The following ASB1 variants were observed in gnomAD, a reference collection of about 807,000 sequenced individuals.
ASB1 encodes ankyrin repeat and SOCS box containing 1, also known as ankyrin repeat and SOCS box protein 1.
In ASB1, 18 loss-of-function variants were observed where a neutral mutation model predicts 27.7. The observed-to-expected ratio is 0.65, with a 90% CI of 0.45 to 0.96. The LOEUF (loss-of-function observed/expected upper bound fraction) is 0.96. Ranked by LOEUF, ASB1 falls within the 50% of genes least tolerant of loss-of-function variation. The probability of loss-of-function intolerance (pLI) is 0.00; values close to 1 mark genes in which losing one functional copy is unlikely to be tolerated. For synonymous variants in ASB1, 189 were observed against 187.6 expected (o/e 1.01, Z -0.06); for missense variants, 397 against 451.7 (o/e 0.88, Z 1.10).
Position 238,446,840 on chromosome 2 carries a change from C to A in ASB1, c.*329C>A, listed in dbSNP as rs1019130529. 3.4e-5 allele frequency: 9 copies of A among 262,258 alleles called. No homozygotes were observed. The Admixed American group carries it at 4.0e-4, about 12-fold the overall frequency. 16.2% of individuals were successfully genotyped at this position (262,258 alleles called of 1,614,324 possible). On this transcript the variant is annotated 3_prime_UTR_variant, in exon 5 of 5. Transcript: ENST00000264607. ...ACTAATTTCCCTGTAGGGAAGACTC[C>A]CAGCACTTCTGGAACTGTGCTTCTC... is the stretch of plus-strand genomic sequence containing the variant.
chr2:238,437,635 C>A (rs1428683341), intron 3 of ASB1, among the ~76,000 whole-genome samples: 1 of 151,310 alleles, frequency 6.6e-6, no homozygotes, highest in Admixed American at 6.6e-5. Flanking sequence ...AGCAAAGATG[C>A]TTTTTTCCCT....
chr2:238,442,439 A>G (rs887499563), intron 3 of ASB1, among the ~76,000 whole-genome samples: 5 of 152,100 alleles, frequency 3.3e-5, no homozygotes, highest in Non-Finnish European at 5.9e-5. Context: ...CTGTAGGGCT[A>G]TTGATCTTTT....
At chr2:238,439,110 C>G (rs1393676619) in intron 3 of ASB1, among the ~76,000 whole-genome samples, 1 of 152,228 alleles carries the variant, frequency 6.6e-6, no homozygotes, top group African/African-American at 2.4e-5. Context: ...ACCATCACTG[C>G]TTGAGATCTA....
chr2:238,438,044 A>G (rs1209917228), intron 3 of ASB1, among the ~76,000 whole-genome samples: 1 of 152,078 alleles, frequency 6.6e-6, no homozygotes, highest in Admixed American at 6.5e-5. Flanking sequence ...TGGAGAATGT[A>G]AGCTATTAAT....
rs1236242234 is a variant in ASB1 at position 238,450,304 on chromosome 2, A to G, written c.*3793A>G. ...CATGGTAAATAATTGATGAAGTCAC[A>G]TTTGTTCAACTTAAAGGATTGTTCT... On this transcript the variant is annotated 3_prime_UTR_variant, in exon 5 of 5. Coordinates refer to ENST00000264607, the MANE Select transcript of ASB1 (RefSeq NM_001040445.3). 1 of 152,196 alleles carries G rather than the reference A, an allele frequency of 6.6e-6. No homozygotes were observed. The highest frequency in any genetic ancestry group is 1.5e-5 in the Non-Finnish European group (1 of 68,036). 9.4% of individuals were successfully genotyped at this position (152,196 alleles called of 1,614,324 possible).
In ASB1 at chr2:238,448,155, T is replaced by C. The variant is rs968703549; in HGVS notation, c.*1644T>C. 2.0e-5 allele frequency: 3 copies of C among 152,178 alleles called. No individual in the cohort carries two copies. Among genetic ancestry groups the C allele is most frequent in the African/African-American group, 7.3e-5 (3 of 41,364 alleles). 9.4% of individuals were successfully genotyped at this position (152,178 alleles called of 1,614,324 possible). On this transcript the variant is annotated 3_prime_UTR_variant, in exon 5 of 5. Coordinates refer to ENST00000264607, the MANE Select transcript of ASB1 (RefSeq NM_001040445.3). ...TGAAGCCAGGAGGGTCTTCCCAAGA[T>C]AGGAGAGGAACCGCAGGTGGTGAGC...
chr2:238,427,319 T>G (rs757400364), intron 1 of ASB1, 200 bp downstream of exon 1: 38 of 382,052 alleles, frequency 9.9e-5, no homozygotes, highest in Non-Finnish European at 1.6e-4. Context: ...CGCGCTGCCC[T>G]CTCCTCGGCC....
intron 1 of ASB1, among the ~76,000 whole-genome samples, chr2:238,427,941 C>G (rs1701793935): frequency 6.6e-6 from 1 of 152,200 alleles, no homozygotes; most frequent in African/African-American, 2.4e-5. Context: ...TCTTAAACAT[C>G]TTAAAAGATT....
intron 1 of ASB1, among the ~76,000 whole-genome samples, chr2:238,430,251 C>G (rs1048601734): frequency 6.6e-6 from 1 of 152,212 alleles, no homozygotes; most frequent in Non-Finnish European, 1.5e-5. Context: ...TGGAATCAGT[C>G]CTCTCTAACC....
At chr2:238,441,958 T>A (rs1332423634) in intron 3 of ASB1, among the ~76,000 whole-genome samples, 1 of 152,166 alleles carries the variant, frequency 6.6e-6, no homozygotes, top group Admixed American at 6.5e-5. Context: ...TGAATGAGAT[T>A]TCCTGTTTCC....
In ASB1 at chr2:238,435,846, A is replaced by C. The variant is rs1701958962; in HGVS notation, c.327A>C (p.Val109=). ...RKGAEVDLVD[V]KGQTALYVAV... Reference sequence around the variant, plus strand: ...GGGCCGAGGTGGATCTGGTGGACGTAAAAGGACAGACGGCCCTGTATGTGG... The same window carrying C: ...GGGCCGAGGTGGATCTGGTGGACGTCAAAGGACAGACGGCCCTGTATGTGG... Residue 109 remains valine (V), a synonymous_variant, in exon 3 of 5, where the codon GTA becomes GTC. Coordinates refer to ENST00000264607, the MANE Select transcript of ASB1 (RefSeq NM_001040445.3). 6.2e-7 allele frequency: 1 copy of C among 1,614,110 alleles called. No homozygotes were observed. Among genetic ancestry groups the C allele is most frequent in the Non-Finnish European group, 8.5e-7 (1 of 1,180,048 alleles).
chr2:238,431,428 A>G (rs1701869939), intron 1 of ASB1, among the ~76,000 whole-genome samples: 1 of 152,210 alleles, frequency 6.6e-6, no homozygotes, highest in African/African-American at 2.4e-5. Context: ...GTATCTCCAG[A>G]CTACTCAGAT....
chr2:238,446,740 G>C lies in ASB1; in HGVS notation c.*229G>C. 1 of 523,636 alleles carries C rather than the reference G, an allele frequency of 1.9e-6. No homozygotes were observed. The highest frequency in any genetic ancestry group is 2.1e-5 in the South Asian group (1 of 48,038). The allele number at this position is 523,636 out of a possible 1,614,324, so 32.4% of individuals were successfully genotyped here. On this transcript the variant is annotated 3_prime_UTR_variant, in exon 5 of 5. Transcript: ENST00000264607. ...TATTATTGTTTTTCCCAAGTTCTCT[G>C]TTCTGGATTTTCAGTTGCATATTAA...
At position 238,447,889 on chromosome 2, in the gene ASB1, G is replaced by A. The variant is rs1702210021; in HGVS notation, c.*1378G>A. 1 of 152,300 alleles carries A rather than the reference G, an allele frequency of 6.6e-6. No individual in the cohort carries two copies. Among genetic ancestry groups the A allele is most frequent in the Non-Finnish European group, 1.5e-5 (1 of 68,084 alleles). 9.4% of individuals were successfully genotyped at this position (152,300 alleles called of 1,614,324 possible). A position where few individuals can be genotyped will look rare whatever the true frequency, so the allele number is the denominator to read the frequency against. On this transcript the variant is annotated 3_prime_UTR_variant, in exon 5 of 5. Transcript: ENST00000264607. ...GCCATTATTGCGTTCTACAGCCAGA[G>A]GATAGAATTCTATACCCCCAACCCC...
chr2:238,427,605 C>G (rs561904364), intron 1 of ASB1: 2 of 154,178 alleles, frequency 1.3e-5, no homozygotes, highest in East Asian at 3.8e-4. Flanking sequence ...AACGGGGACG[C>G]CGTCTCCAGC....
Position 238,427,093 on chromosome 2 carries a change from A to G in ASB1, c.23A>G (p.Asp8Gly). Reference protein sequence around the residue: MAEGGSPDGRAGPGSAGR... With the variant: MAEGGSPGGRAGPGSAGR... ...TCCATGGCGGAGGGCGGCAGCCCAG[A>G]CGGGCGGGCAGGGCCGGGCTCCGCA... The change falls in exon 1 of 5, where the codon GAC (aspartate) becomes GGC (glycine). Residue 8 changes from aspartate (D) to glycine (G), a missense_variant. By Grantham distance (94) the Asp-to-Gly change is moderately conservative (BLOSUM62 -1). Transcript: ENST00000264607. 7.9e-7 allele frequency: 1 copy of G among 1,262,134 alleles called. No homozygotes were observed. The highest frequency in any genetic ancestry group is 2.9e-5 in the South Asian group (1 of 34,484). 78.2% of individuals were successfully genotyped at this position (1,262,134 alleles called of 1,614,324 possible).
rs1701763215 is a variant in ASB1 at position 238,426,971 on chromosome 2, C to A, written c.-100C>A. ...CGCCGGAAGCCGCGACCCCGACGCG[C>A]CCCCCATTGCCCTCGGCGCCGGAAG... On this transcript the variant is annotated 5_prime_UTR_variant, in exon 1 of 5. Transcript: ENST00000264607. 2 of 962,702 alleles carry A rather than the reference C, an allele frequency of 2.1e-6. No individual in the cohort carries two copies. The highest frequency in any genetic ancestry group is 2.7e-6 in the Non-Finnish European group (2 of 745,788). The allele number at this position is 962,702 out of a possible 1,614,324, so 59.6% of individuals were successfully genotyped here. A position where few individuals can be genotyped will look rare whatever the true frequency, so the allele number is the denominator to read the frequency against.
Position 238,444,426 on chromosome 2 carries a change from C to T in ASB1, c.579C>T (p.Val193=). The change falls in exon 4 of 5, where the codon GTC becomes GTT. Residue 193 remains valine, a synonymous_variant. Transcript: ENST00000264607. ...RFSRRLTSLV[V]CPLYISAAYH... is the part of the protein sequence containing the mutation. ...CCCGGCGGCTCACCTCCTTGGTGGT[C>T]TGCCCCTTGTACATCAGCGCAGCCT... 2.5e-6 allele frequency: 4 copies of T among 1,614,150 alleles called. No homozygotes were observed. In the South Asian group the frequency reaches 3.3e-5, roughly 13 times the overall value.
Position 238,435,920 on chromosome 2 carries a change from G to A in ASB1, c.401G>A (p.Gly134Asp), listed in dbSNP as rs748395883. 1 of 1,614,212 alleles carries A rather than the reference G, an allele frequency of 6.2e-7. No homozygotes were observed. Among genetic ancestry groups the A allele is most frequent in the Non-Finnish European group, 8.5e-7 (1 of 1,180,034 alleles). ...LESTQILLEA[G>D]ADPNGSRHHR... Reference sequence around the variant, plus strand: ...AGTACCCAGATCCTTCTCGAAGCTGGCGCGGACCCCAACGGAAGCCGGCAC... The same window carrying A: ...AGTACCCAGATCCTTCTCGAAGCTGACGCGGACCCCAACGGAAGCCGGCAC... The change falls in exon 3 of 5, where the codon GGC (glycine) becomes GAC (aspartate). Residue 134 changes from glycine (G) to aspartate (D), a missense_variant. Physicochemically the swap from Gly to Asp is moderately conservative, Grantham distance 94. Coordinates refer to ENST00000264607, the MANE Select transcript of ASB1 (RefSeq NM_001040445.3).
Sources: allele counts gnomAD v4.1 joint callset (sites outside exome capture counted in the v4.1 genomes callset), GRCh38; gene constraint gnomAD v4.1.1; transcripts MANE v1.5; gene names NCBI Gene and HGNC (gene_info 2026-07-23, HGNC 2026-07-21).